NAALADL2: variants seen among roughly 807,000 people sequenced by gnomAD.
NAALADL2 encodes N-acetylated alpha-linked acidic dipeptidase like 2, also known as inactive N-acetylated-alpha-linked acidic dipeptidase-like protein 2.
In NAALADL2, 76 loss-of-function variants were observed where a neutral mutation model predicts 87.2. That is an observed-to-expected ratio of 0.87 (90% CI 0.72 to 1.05). The LOEUF (loss-of-function observed/expected upper bound fraction) is 1.05, where lower values mean the gene tolerates loss of function less well. Ranked by LOEUF, NAALADL2 falls within the 50% of genes least tolerant of loss-of-function variation. NAALADL2 has a pLI of 0.00. For missense variants in NAALADL2, 1,089 were observed against 945.8 expected, an observed-to-expected ratio of 1.15 and a Z score of -1.99; for synonymous variants, 354 against 331.0, an observed-to-expected ratio of 1.07 and a Z score of -0.75.
At chr3:174,751,898 C>T (rs763261657) in intron 3 of NAALADL2, among the ~76,000 whole-genome samples, 10 of 151,968 alleles carry the variant, frequency 6.6e-5, no homozygotes, top group Non-Finnish European at 1.0e-4. Flanking sequence ...TTTTATTGTA[C>T]GAGGAGGGTT....
At chr3:175,510,279 C>A (rs1195082729) in intron 9 of NAALADL2, among the ~76,000 whole-genome samples, 1 of 152,122 alleles carries the variant, frequency 6.6e-6, no homozygotes, top group African/African-American at 2.4e-5. Flanking sequence ...TCAATTACCT[C>A]CCACCAGCTC....
chr3:174,812,964 A>T (rs890259898), intron 3 of NAALADL2, among the ~76,000 whole-genome samples: 4 of 152,154 alleles, frequency 2.6e-5, no homozygotes, highest in Non-Finnish European at 5.9e-5. Flanking sequence ...AAAATGTTAT[A>T]AGCTAATTTT....
At chr3:174,453,917 C>A (rs1715649844) in intron 1 of NAALADL2, among the ~76,000 whole-genome samples, 1 of 152,104 alleles carries the variant, frequency 6.6e-6, no homozygotes, top group South Asian at 2.1e-4. Context: ...TCAATACTAA[C>A]CTTGAATGTA....
At chr3:175,225,841 C>T (rs1377978098) in intron 2 of NAALADL2, among the ~76,000 whole-genome samples, 1 of 152,052 alleles carries the variant, frequency 6.6e-6, no homozygotes, top group African/African-American at 2.4e-5. Context: ...CTCTTGAAAT[C>T]CAAATATGCA....
intron 9 of NAALADL2, among the ~76,000 whole-genome samples, chr3:175,574,755 A>T: frequency 6.6e-6 from 1 of 152,092 alleles, no homozygotes; most frequent in Middle Eastern, 3.2e-3. Flanking sequence ...TTATAGTTTT[A>T]TTTTATATAG....
intron 11 of NAALADL2, among the ~76,000 whole-genome samples, chr3:175,717,632 A>G (rs1741492610): frequency 6.6e-6 from 1 of 151,344 alleles, no homozygotes; most frequent in African/African-American, 2.4e-5. Flanking sequence ...TAGAGGCCAC[A>G]GTGACCCAAG....
chr3:175,027,034 G>C (rs1752305056), intron 1 of NAALADL2, among the ~76,000 whole-genome samples: 1 of 152,054 alleles, frequency 6.6e-6, no homozygotes, highest in Admixed American at 6.6e-5. Context: ...ACCTGTTACT[G>C]TTAAGGGTGA....
chr3:175,045,296 A>C (rs1428058655), intron 1 of NAALADL2, among the ~76,000 whole-genome samples: 1 of 152,100 alleles, frequency 6.6e-6, no homozygotes, highest in South Asian at 2.1e-4. Flanking sequence ...GAAAATTTCT[A>C]TTAGTTCATT....
At chr3:174,787,575 T>TCATATATATATATATATA (rs1716821257) in intron 3 of NAALADL2, among the ~76,000 whole-genome samples, 2 of 13,062 alleles carry the variant, frequency 1.5e-4, no homozygotes, top group Non-Finnish European at 3.0e-4. Flanking sequence ...CAATATATCA[T>TCATATATATATATATATA]CATATATATA....
At chr3:174,867,185 TG>T (rs762753118) in intron 1 of NAALADL2, among the ~76,000 whole-genome samples, 1 of 151,926 alleles carries the variant, frequency 6.6e-6, no homozygotes, top group Non-Finnish European at 1.5e-5. Context: ...ACTAGTAAAT[TG>T]GGTACTAATT....
chr3:175,536,843 G>A (rs750501066), intron 9 of NAALADL2, among the ~76,000 whole-genome samples: 7 of 152,126 alleles, frequency 4.6e-5, no homozygotes, highest in Non-Finnish European at 1.0e-4. Context: ...TTAGCCGGGC[G>A]TGGTGGCGGG....
intron 3 of NAALADL2, among the ~76,000 whole-genome samples, chr3:175,245,525 A>G (rs531480208): frequency 2.6e-5 from 4 of 152,230 alleles, no homozygotes; most frequent in Non-Finnish European, 5.9e-5. Flanking sequence ...TTGCAAATGT[A>G]TTAAACAACT....
chr3:174,588,682 C>T (rs111622731), intron 2 of NAALADL2, among the ~76,000 whole-genome samples: 2,462 of 152,276 alleles, frequency 0.016, 70 homozygotes, highest in African/African-American at 0.055. Flanking sequence ...GCAGAGGCTG[C>T]AGAACAGCAA....
chr3:174,503,456 G>T (rs1719026980), intron 1 of NAALADL2, among the ~76,000 whole-genome samples: 1 of 151,902 alleles, frequency 6.6e-6, no homozygotes, highest in South Asian at 2.1e-4. Flanking sequence ...ATTTTCTTAA[G>T]GTACAGATAA....
At chr3:174,656,434 C>T (rs1188173105) in intron 2 of NAALADL2, among the ~76,000 whole-genome samples, 2 of 152,090 alleles carry the variant, frequency 1.3e-5, no homozygotes, top group Non-Finnish European at 2.9e-5. Context: ...AAGCTTATTT[C>T]CAGCAAGATA....
chr3:175,502,781 T>A (rs905716503), intron 9 of NAALADL2, among the ~76,000 whole-genome samples: 1 of 152,172 alleles, frequency 6.6e-6, no homozygotes, highest in African/African-American at 2.4e-5. Flanking sequence ...GTCCCACCAC[T>A]GTAGTTTGAA....
intron 3 of NAALADL2, among the ~76,000 whole-genome samples, chr3:174,844,093 G>T (rs1724327985): frequency 6.6e-6 from 1 of 152,058 alleles, no homozygotes. Flanking sequence ...TCTTTGCCCA[G>T]CCCCAATGTT....
chr3:174,799,759 C>A (rs1440717163), intron 3 of NAALADL2, among the ~76,000 whole-genome samples: 1 of 152,080 alleles, frequency 6.6e-6, no homozygotes, highest in Admixed American at 6.6e-5. Flanking sequence ...GAGAAGAAGA[C>A]AGGAAAATGT....
intron 9 of NAALADL2, among the ~76,000 whole-genome samples, chr3:175,565,344 CTGAG>C (rs1716933283): frequency 6.6e-6 from 1 of 152,154 alleles, no homozygotes; most frequent in Non-Finnish European, 1.5e-5. Context: ...CCTCCTTGGA[CTGAG>C]TGAGGTGTTC....
Sources: allele counts gnomAD v4.1 joint callset (sites outside exome capture counted in the v4.1 genomes callset), GRCh38; gene constraint gnomAD v4.1.1; transcripts MANE v1.5; gene names NCBI Gene and HGNC (gene_info 2026-07-23, HGNC 2026-07-21).